Variants in RHAG observed in about 807,000 individuals in gnomAD.
RHAG encodes ammonium transporter Rh type A.
A neutral mutation model predicts 42.4 loss-of-function variants in RHAG; 25 were observed. The observed-to-expected ratio is 0.59, with a 90% CI of 0.43 to 0.82. RHAG has a LOEUF of 0.82. Among genes scored for constraint, RHAG ranks in the 40% least tolerant of loss-of-function variants. The probability of loss-of-function intolerance (pLI) is 0.00; values close to 1 mark genes in which losing one functional copy is unlikely to be tolerated. For synonymous variants in RHAG, 182 were observed against 177.7 expected, an observed-to-expected ratio of 1.02 and a Z score of -0.19; for missense variants, 483 against 504.6, an observed-to-expected ratio of 0.96 and a Z score of 0.41.
In RHAG at chr6:49,605,546, C is replaced by A; in HGVS notation, c.*267G>T. 1.9e-6 allele frequency: 1 copy of A among 532,466 alleles called. No homozygotes were observed. The allele number at this position is 532,466 out of a possible 1,614,324, so 33.0% of individuals were successfully genotyped here. On this transcript the variant is annotated 3_prime_UTR_variant, in exon 10 of 10. Coordinates refer to ENST00000371175, the MANE Select transcript of RHAG (RefSeq NM_000324.3). ...GCTTTTTGGGAATCCTGGAGAAGAT[C>A]TATTTGATTATCTGTTTTATGAGTA... is the stretch of plus-strand genomic sequence containing the variant.
chr6:49,618,271 G>T, intron 2 of RHAG, 53 bp from the exon 3 acceptor site: 1 of 1,601,688 alleles, frequency 6.2e-7, no homozygotes, highest in South Asian at 1.1e-5. Context: ...ACATAAAACT[G>T]ACCAAAGTGC....
At chr6:49,631,350 T>C (rs1475329658) in intron 1 of RHAG, among the ~76,000 whole-genome samples, 1 of 152,184 alleles carries the variant, frequency 6.6e-6, no homozygotes, top group Non-Finnish European at 1.5e-5. Flanking sequence ...AATTTCAAAA[T>C]TGTAATTTTC....
chr6:49,617,507 G>C (rs1227239376), intron 3 of RHAG, among the ~76,000 whole-genome samples: 1 of 152,114 alleles, frequency 6.6e-6, no homozygotes, highest in Non-Finnish European at 1.5e-5. Flanking sequence ...CATCTAGAAA[G>C]TTATCAAAAA....
At chr6:49,607,282 C>T in intron 7 of RHAG, 62 bp from the exon 8 acceptor site, 2 of 1,343,124 alleles carry the variant, frequency 1.5e-6, no homozygotes. Context: ...GAAAGTCTCA[C>T]TCACTGAGGG....
intron 1 of RHAG, among the ~76,000 whole-genome samples, chr6:49,626,880 G>C (rs542915382): frequency 2.6e-5 from 4 of 152,354 alleles, no homozygotes; most frequent in African/African-American, 9.6e-5. Context: ...CCAGGACTTG[G>C]GGCTTGCACC....
At chr6:49,633,585 C>T (rs1439114907) in intron 1 of RHAG, among the ~76,000 whole-genome samples, 1 of 152,090 alleles carries the variant, frequency 6.6e-6, no homozygotes, top group African/African-American at 2.4e-5. Flanking sequence ...CCCACCTTTC[C>T]TGAAGAGAGA....
chr6:49,606,192 C>G (rs891688772), intron 9 of RHAG, among the ~76,000 whole-genome samples: 1 of 152,136 alleles, frequency 6.6e-6, no homozygotes, highest in African/African-American at 2.4e-5. Context: ...TGTACTCACT[C>G]AAATTCTTCA....
At chr6:49,627,723 G>A (rs1227491586) in intron 1 of RHAG, among the ~76,000 whole-genome samples, 1 of 152,170 alleles carries the variant, frequency 6.6e-6, no homozygotes, top group African/African-American at 2.4e-5. Flanking sequence ...GGTGGAAGGC[G>A]AATGAGGAGC....
At chr6:49,617,673 A>T (rs921698676) in intron 3 of RHAG, among the ~76,000 whole-genome samples, 4 of 152,220 alleles carry the variant, frequency 2.6e-5, no homozygotes, top group Non-Finnish European at 5.9e-5. Flanking sequence ...AAAAACCACT[A>T]CAATGTTTTA....
Position 49,605,620 on chromosome 6 carries a change from A to C in RHAG, c.*193T>G. ...AGAGCAAGAGACAGCATCAGACATAAGGACATTTTTACACTGGCCATTTGG... is the reference window on the plus strand; with the variant it reads ...AGAGCAAGAGACAGCATCAGACATACGGACATTTTTACACTGGCCATTTGG... On this transcript the variant is annotated 3_prime_UTR_variant, in exon 10 of 10. Transcript: ENST00000371175. 1.5e-6 allele frequency: 1 copy of C among 689,446 alleles called. No homozygotes were observed. Among genetic ancestry groups the C allele is most frequent in the Non-Finnish European group, 2.7e-6 (1 of 370,530 alleles). 42.7% of individuals were successfully genotyped at this position (689,446 alleles called of 1,614,324 possible).
At chr6:49,631,093 C>G (rs1170825819) in intron 1 of RHAG, among the ~76,000 whole-genome samples, 1 of 152,090 alleles carries the variant, frequency 6.6e-6, no homozygotes, top group African/African-American at 2.4e-5. Context: ...TTGTGTACTT[C>G]CCACTAGATC....
At chr6:49,609,735 G>A (rs889110670) in intron 7 of RHAG, among the ~76,000 whole-genome samples, 1 of 151,976 alleles carries the variant, frequency 6.6e-6, no homozygotes, top group African/African-American at 2.4e-5. Flanking sequence ...ATCTCAACAG[G>A]GTTAAATTTT....
intron 1 of RHAG, among the ~76,000 whole-genome samples, chr6:49,631,474 C>A (rs35495000): frequency 0.2 from 30,559 of 151,836 alleles, 3,909 homozygotes; most frequent in Middle Eastern, 0.29. Flanking sequence ...TCCCTTTTTC[C>A]TTATTTGAAT....
chr6:49,614,318 G>A (rs568967992), intron 5 of RHAG, among the ~76,000 whole-genome samples: 2 of 151,282 alleles, frequency 1.3e-5, no homozygotes, highest in South Asian at 2.1e-4. Context: ...TCAGCCTCCC[G>A]AGTAGCTGGG....
At chr6:49,633,835 AT>A (rs546173824) in intron 1 of RHAG, among the ~76,000 whole-genome samples, 3 of 151,834 alleles carry the variant, frequency 2.0e-5, no homozygotes, top group African/African-American at 7.2e-5. Context: ...CAGCCATGGC[AT>A]TTTTTTTAAC....
intron 1 of RHAG, among the ~76,000 whole-genome samples, chr6:49,625,786 G>A (rs957510940): frequency 1.2e-4 from 18 of 152,188 alleles, no homozygotes; most frequent in African/African-American, 3.9e-4. Flanking sequence ...CCAGGACTGG[G>A]TAGTCTGTAG....
Position 49,614,786 on chromosome 6 carries a change from C to T in RHAG, c.708G>A (p.Gln236=), listed in dbSNP as rs1269305479. 1.2e-6 allele frequency: 2 copies of T among 1,614,036 alleles called. No individual in the cohort carries two copies. The highest frequency in any genetic ancestry group is 2.2e-5 in the East Asian group (1 of 44,898). Residue 236 remains glutamine, a synonymous_variant, in exon 5 of 10, where the codon CAG becomes CAA. Coordinates refer to ENST00000371175, the MANE Select transcript of RHAG (RefSeq NM_000324.3). ...NSAIAEPGDK[Q]CRAIVNTYFS... is the part of the protein sequence containing the mutation. The stretch of plus-strand genomic sequence containing the variant: ...AGTACGTGTTTACAATGGCCCTGCA[C>T]TGTTTGTCTCCAGGTTCAGCAATGG...
intron 3 of RHAG, among the ~76,000 whole-genome samples, chr6:49,617,295 A>G (rs1762671988): frequency 1.3e-5 from 2 of 152,194 alleles, no homozygotes; most frequent in African/African-American, 4.8e-5. Context: ...CTACAATCTA[A>G]TCTTCCAGTT....
chr6:49,628,453 C>A (rs1762876594), intron 1 of RHAG, among the ~76,000 whole-genome samples: 1 of 152,130 alleles, frequency 6.6e-6, no homozygotes, highest in Non-Finnish European at 1.5e-5. Context: ...TCACTGACTT[C>A]AAGAATGAAG....
Sources: allele counts gnomAD v4.1 joint callset (sites outside exome capture counted in the v4.1 genomes callset), GRCh38; gene constraint gnomAD v4.1.1; transcripts MANE v1.5; gene names NCBI Gene and HGNC (gene_info 2026-07-23, HGNC 2026-07-21).